The following CAPRIN1 variants were observed in gnomAD, a reference collection of about 807,000 sequenced individuals.
CAPRIN1 encodes the protein cell cycle associated protein 1.
Under a neutral mutation model 100.9 loss-of-function variants are expected in CAPRIN1, and 29 were observed. The ratio of observed to expected loss-of-function variants is 0.29; its 90% confidence interval spans 0.21 to 0.39. The LOEUF (loss-of-function observed/expected upper bound fraction) is 0.39, where lower values mean the gene tolerates loss of function less well. Ranked by LOEUF, CAPRIN1 falls within the 10% of genes least tolerant of loss-of-function variation. The probability of loss-of-function intolerance (pLI) is 1.00; values close to 1 mark genes in which losing one functional copy is unlikely to be tolerated. For missense variants in CAPRIN1, 795 were observed against 876.7 expected (o/e 0.91, Z 1.18); for synonymous variants, 338 against 307.5 (o/e 1.10, Z -1.04).
chr11:34,075,049 AG>A, intron 4 of CAPRIN1, among the ~76,000 whole-genome samples: 1 of 152,026 alleles, frequency 6.6e-6, no homozygotes. Context: ...TTTTTAAAAA[AG>A]ACTTTTTTTT....
intron 2 of CAPRIN1, among the ~76,000 whole-genome samples, chr11:34,053,892 C>T (rs1850390676): frequency 6.6e-6 from 1 of 152,164 alleles, no homozygotes; most frequent in Non-Finnish European, 1.5e-5. Context: ...TGAATTTTAC[C>T]TTATAAAGTA....
chr11:34,052,376 T>G (rs1265838049), intron 1 of CAPRIN1, 45 bp from the exon 2 acceptor site: 1 of 1,517,288 alleles, frequency 6.6e-7, no homozygotes, highest in South Asian at 1.1e-5. Flanking sequence ...CTGGCCGCTC[T>G]TGTCCTTCCT....
intron 9 of CAPRIN1, among the ~76,000 whole-genome samples, chr11:34,083,852 G>T (rs576440054): frequency 1.3e-5 from 2 of 152,060 alleles, no homozygotes; most frequent in African/African-American, 4.8e-5. Flanking sequence ...TGGATCACAT[G>T]AGGCCAAGAG....
chr11:34,052,124 T>C (rs1411987557), intron 1 of CAPRIN1: 1 of 150,242 alleles, frequency 6.7e-6, no homozygotes, highest in East Asian at 2.0e-4. Flanking sequence ...GGCGCGGCGA[T>C]GCCCCGCCTC....
chr11:34,075,214 A>C (rs1850882745), intron 4 of CAPRIN1, among the ~76,000 whole-genome samples: 1 of 152,030 alleles, frequency 6.6e-6, no homozygotes, highest in Non-Finnish European at 1.5e-5. Context: ...AGCCTTCATC[A>C]TTCTTCCCAG....
At chr11:34,090,329 C>T in intron 13 of CAPRIN1, 40 bp downstream of exon 13, 3 of 1,376,130 alleles carry the variant, frequency 2.2e-6, no homozygotes, top group Non-Finnish European at 1.0e-6. Flanking sequence ...TGATGAGGCA[C>T]TTACTCATGA....
chr11:34,098,236 T>C, intron 18 of CAPRIN1: 1 of 987,520 alleles, frequency 1.0e-6, no homozygotes, highest in Non-Finnish European at 1.2e-6. Context: ...CATTTAGAAG[T>C]GATAGAACTA....
intron 2 of CAPRIN1, chr11:34,055,802 TAC>T (rs1196728422): frequency 1.3e-5 from 2 of 152,364 alleles, no homozygotes; most frequent in Non-Finnish European, 2.9e-5. Context: ...AAGGTCAAGT[TAC>T]AGTTAAGTCT....
intron 2 of CAPRIN1, chr11:34,053,039 G>A (rs1017302846): frequency 2.9e-6 from 3 of 1,042,168 alleles, no homozygotes; most frequent in Middle Eastern, 4.7e-4. Flanking sequence ...CTGCGCGGGG[G>A]GCTCCGGGTT....
chr11:34,055,026 C>G (rs1253867312), intron 2 of CAPRIN1, among the ~76,000 whole-genome samples: 3 of 151,190 alleles, frequency 2.0e-5, no homozygotes, highest in African/African-American at 7.3e-5. Context: ...TCAAGTACTT[C>G]TGAAAAAAAA....
intron 2 of CAPRIN1, among the ~76,000 whole-genome samples, chr11:34,068,080 G>A (rs191045728): frequency 1.3e-5 from 2 of 152,292 alleles, no homozygotes; most frequent in East Asian, 3.9e-4. Flanking sequence ...GACACTGGGG[G>A]CCTCGTGGGA....
At position 34,101,621 on chromosome 11, in the gene CAPRIN1, T is replaced by G. The variant is rs1851455903; in HGVS notation, c.*2254T>G. Among the ~76,000 whole-genome samples the G allele has an allele frequency of 1.3e-5, 2 of 152,216 alleles. No homozygotes were observed. Among genetic ancestry groups the G allele is most frequent in the South Asian group, 4.1e-4 (2 of 4,832 alleles). On this transcript the variant is annotated 3_prime_UTR_variant, in exon 19 of 19. Transcript: ENST00000341394. ...TTTTTGAACTATAATTTTTCTTTTTTTGGTTATTTTACCATCACAGTTTAA... is the reference window on the plus strand; with the variant it reads ...TTTTTGAACTATAATTTTTCTTTTTGTGGTTATTTTACCATCACAGTTTAA...
chr11:34,057,687 C>T (rs1408955500), intron 2 of CAPRIN1, among the ~76,000 whole-genome samples: 2 of 152,056 alleles, frequency 1.3e-5, no homozygotes, highest in Admixed American at 1.3e-4. Flanking sequence ...TATAATCTTA[C>T]ACTGTTATAA....
rs1851446335 is a variant in CAPRIN1, at chr11:34,101,022, GT to G, written c.*1660del. 6.6e-6 allele frequency: 1 copy of G among 152,600 alleles called. No homozygotes were observed. Among genetic ancestry groups the G allele is most frequent in the South Asian group, 2.1e-4 (1 of 4,836 alleles). The allele number at this position is 152,600 out of a possible 1,614,324, so 9.5% of individuals were successfully genotyped here. ...AAACATTCATCATTAGACAACTGGA[GT>G]TTTTGCTGGTTTTGTAACCTACCAA... is the stretch of plus-strand genomic sequence containing the variant. On this transcript the variant is annotated 3_prime_UTR_variant, in exon 19 of 19. Transcript: ENST00000341394.
chr11:34,102,324 C>T lies in CAPRIN1; in HGVS notation c.*2957C>T, dbSNP rs370809214. On this transcript the variant is annotated 3_prime_UTR_variant, in exon 19 of 19. Coordinates refer to ENST00000341394, the MANE Select transcript of CAPRIN1 (RefSeq NM_005898.5). ...GAGGAAGTGGAATGCAGATAAGTGC[C>T]GAATTCAAACCCTTCATTTTATGTT... Among the ~76,000 whole-genome samples the T allele has an allele frequency of 2.0e-4, 30 of 152,198 alleles. No individual in the cohort carries two copies. The highest frequency in any genetic ancestry group is 1.5e-3 in the Admixed American group (23 of 15,296).
chr11:34,074,844 C>G (rs890349470), intron 4 of CAPRIN1, among the ~76,000 whole-genome samples: 1 of 152,136 alleles, frequency 6.6e-6, no homozygotes, highest in Non-Finnish European at 1.5e-5. Context: ...CACTGCACTC[C>G]TGGGCAACAG....
chr11:34,079,905 G>GTGTTTTTTTTTTTTTTTTTTTTTTTTT (rs1850980839), intron 7 of CAPRIN1, 140 bp downstream of exon 7: 1 of 316,642 alleles, frequency 3.2e-6, no homozygotes, highest in African/African-American at 2.9e-5. Flanking sequence ...GCATGACAAA[G>GTGTTTTTTTTTTTTTTTTTTTTTTTTT]TTTTTTTTTT....
At chr11:34,085,993 C>CTACCA in intron 9 of CAPRIN1, 71 bp from the exon 10 acceptor site, 1 of 1,257,156 alleles carries the variant, frequency 8.0e-7, no homozygotes, top group Non-Finnish European at 1.1e-6. Context: ...GTGTGGGGGA[C>CTACCA]CCATCATGGT....
At chr11:34,071,096 G>T (rs186600812) in intron 2 of CAPRIN1, among the ~76,000 whole-genome samples, 3 of 152,326 alleles carry the variant, frequency 2.0e-5, no homozygotes, top group Non-Finnish European at 1.5e-5. Context: ...GCTCACTTGG[G>T]TATAAGCAGG....
Sources: gnomAD v4.1 joint callset for allele counts (sites outside exome capture counted in the v4.1 genomes callset) on GRCh38, gnomAD v4.1.1 for gene constraint, MANE v1.5 for transcripts, NCBI Gene and HGNC (gene_info 2026-07-23, HGNC 2026-07-21) for gene names.